Variants in DLGAP2 observed in about 807,000 individuals in gnomAD.
The protein encoded by DLGAP2 is DLG associated protein 2.
Under a neutral mutation model 100.3 loss-of-function variants are expected in DLGAP2, and 26 were observed. The observed-to-expected ratio is 0.26, with a 90% CI of 0.19 to 0.36. The LOEUF (loss-of-function observed/expected upper bound fraction) is 0.36, where lower values mean the gene tolerates loss of function less well. Among genes scored for constraint, DLGAP2 ranks in the 10% least tolerant of loss-of-function variants. The pLI, the probability that DLGAP2 is intolerant of heterozygous loss-of-function variation, is 1.00. For synonymous variants in DLGAP2, 886 were observed against 630.1 expected, an observed-to-expected ratio of 1.41 and a Z score of -6.08; for missense variants, 1,858 against 1,453.2, an observed-to-expected ratio of 1.28 and a Z score of -4.53.
chr8:1,161,067 CTT>C (rs1193383880), intron 2 of DLGAP2, among the ~76,000 whole-genome samples: 5 of 152,336 alleles, frequency 3.3e-5, no homozygotes, highest in Admixed American at 2.0e-4. Context: ...TGATAAGACA[CTT>C]TGCCTATTCC....
chr8:1,031,188 C>G (rs925594763), intron 2 of DLGAP2, among the ~76,000 whole-genome samples: 2 of 151,984 alleles, frequency 1.3e-5, no homozygotes, highest in African/African-American at 4.8e-5. Context: ...CCAATACGTA[C>G]ACACTCAGTG....
At chr8:792,751 T>C (rs1795943946) in intron 1 of DLGAP2, among the ~76,000 whole-genome samples, 1 of 152,216 alleles carries the variant, frequency 6.6e-6, no homozygotes, top group South Asian at 2.1e-4. Flanking sequence ...AGTTCCCCCA[T>C]TTTGTAAGTT....
At chr8:1,511,241 T>A (rs1266223950) in intron 4 of DLGAP2, among the ~76,000 whole-genome samples, 2 of 151,244 alleles carry the variant, frequency 1.3e-5, no homozygotes, top group South Asian at 2.1e-4. Flanking sequence ...ATGACCATCT[T>A]CCATGGACGT....
chr8:1,306,530 T>C (rs577618782), intron 3 of DLGAP2, among the ~76,000 whole-genome samples: 1 of 152,222 alleles, frequency 6.6e-6, no homozygotes, highest in African/African-American at 2.4e-5. Context: ...TTTTGAGAAA[T>C]AGAAAAATCC....
chr8:1,249,117 C>T (rs1476806846), intron 2 of DLGAP2, among the ~76,000 whole-genome samples: 1 of 152,170 alleles, frequency 6.6e-6, no homozygotes, highest in African/African-American at 2.4e-5. Context: ...TGCATGCTGT[C>T]CCTGGGAGGG....
At chr8:1,627,734 A>C (rs73671263) in intron 7 of DLGAP2, among the ~76,000 whole-genome samples, 7,814 of 150,542 alleles carry the variant, frequency 0.052, 212 homozygotes, top group Middle Eastern at 0.069. Context: ...AGTAGGGATT[A>C]AGATCTTGAG....
chr8:1,275,825 A>AT (rs1563056247), intron 3 of DLGAP2, among the ~76,000 whole-genome samples: 1 of 57,028 alleles, frequency 1.8e-5, no homozygotes, highest in Non-Finnish European at 3.4e-5. Flanking sequence ...ATAATATATA[A>AT]AAATAAATAT....
chr8:1,520,145 A>T (rs1800538061), intron 4 of DLGAP2, among the ~76,000 whole-genome samples: 1 of 152,128 alleles, frequency 6.6e-6, no homozygotes. Flanking sequence ...CCTGATGAAC[A>T]TGTTAGTGAT....
Position 1,419,701 on chromosome 8 carries a change from A to C in DLGAP2, c.107-81665A>C, listed in dbSNP as rs1360453857. Among the ~76,000 whole-genome samples the C allele has an allele frequency of 2.0e-5, 3 of 152,210 alleles. No individual in the cohort carries two copies. In the East Asian group the frequency reaches 5.8e-4, roughly 29 times the overall value. Reference sequence around the variant, plus strand: ...CCAGTTAGAATGGCGGTTACCAGAAAGACCAAAAGTAACAGTTCTAGCAAG... The same window carrying C: ...CCAGTTAGAATGGCGGTTACCAGAACGACCAAAAGTAACAGTTCTAGCAAG... On this transcript the variant is annotated intron_variant, in intron 3 of 14. Transcript: ENST00000637795.
intron 3 of DLGAP2, among the ~76,000 whole-genome samples, chr8:1,347,449 T>A (rs1801590998): frequency 6.6e-6 from 1 of 151,854 alleles, no homozygotes; most frequent in South Asian, 2.1e-4. Flanking sequence ...TATGTGGAAG[T>A]TGAGTTCCCA....
intron 2 of DLGAP2, among the ~76,000 whole-genome samples, chr8:1,230,288 C>T (rs963519235): frequency 6.6e-6 from 1 of 152,092 alleles, no homozygotes; most frequent in Non-Finnish European, 1.5e-5. Flanking sequence ...AATAAAATAC[C>T]TAGTAATACA....
At chr8:1,412,574 C>T (rs889933494) in intron 3 of DLGAP2, among the ~76,000 whole-genome samples, 31 of 152,192 alleles carry the variant, frequency 2.0e-4, no homozygotes, top group Admixed American at 1.9e-3. Context: ...AGCTGTGAGC[C>T]CTCAGATAAG....
intron 2 of DLGAP2, among the ~76,000 whole-genome samples, chr8:1,040,226 GGCTCGGTTTCTGTGGTCA>G (rs1472227685): frequency 7.4e-6 from 1 of 135,930 alleles, no homozygotes; most frequent in South Asian, 2.6e-4. Flanking sequence ...GTGCATGGTC[GGCTCGGTTTCTGTGGTCA>G]GCTCGGTTTC....
chr8:1,419,073 C>T (rs1178886539), intron 3 of DLGAP2, among the ~76,000 whole-genome samples: 1 of 152,260 alleles, frequency 6.6e-6, no homozygotes, highest in African/African-American at 2.4e-5. Flanking sequence ...CACCGCCTCC[C>T]TGTGTTCAGC....
intron 1 of DLGAP2, among the ~76,000 whole-genome samples, chr8:761,532 A>G (rs182841559): frequency 4.7e-4 from 71 of 152,366 alleles, no homozygotes; most frequent in African/African-American, 1.6e-3. Flanking sequence ...GGATTTTACA[A>G]TTTCACAAGT....
intron 2 of DLGAP2, among the ~76,000 whole-genome samples, chr8:980,449 G>A (rs1245361583): frequency 1.3e-5 from 2 of 152,210 alleles, no homozygotes; most frequent in African/African-American, 4.8e-5. Flanking sequence ...AGCCACAATT[G>A]AGCCAAGTTT....
intron 4 of DLGAP2, among the ~76,000 whole-genome samples, chr8:1,546,061 A>G (rs1036333302): frequency 6.6e-6 from 1 of 152,258 alleles, no homozygotes; most frequent in Non-Finnish European, 1.5e-5. Flanking sequence ...ATTGAATTTC[A>G]TTTGAAAATT....
intron 12 of DLGAP2, among the ~76,000 whole-genome samples, chr8:1,691,191 C>T (rs958376559): frequency 4.6e-5 from 7 of 152,208 alleles, no homozygotes; most frequent in African/African-American, 7.2e-5. Context: ...TTCACTCACA[C>T]GTGTTCTTGT....
chr8:1,281,810 A>T (rs1371511544), intron 3 of DLGAP2, among the ~76,000 whole-genome samples: 2 of 152,192 alleles, frequency 1.3e-5, no homozygotes, highest in Non-Finnish European at 1.5e-5. Flanking sequence ...CCACCCCACC[A>T]GCCTTTGATC....
Sources: gnomAD v4.1 joint callset for allele counts (sites outside exome capture counted in the v4.1 genomes callset) on GRCh38, gnomAD v4.1.1 for gene constraint, MANE v1.5 for transcripts, NCBI Gene and HGNC (gene_info 2026-07-23, HGNC 2026-07-21) for gene names.